The following C19orf38 variants were observed in gnomAD, a reference collection of about 807,000 sequenced individuals.
C19orf38 encodes the protein protein HIDE1.
Under a neutral mutation model 26.6 loss-of-function variants are expected in C19orf38, and 14 were observed. The ratio of observed to expected loss-of-function variants is 0.53; its 90% CI spans 0.35 to 0.82. C19orf38 has a LOEUF of 0.82. Among genes scored for constraint, C19orf38 ranks in the 40% least tolerant of loss-of-function variants. The probability of loss-of-function intolerance (pLI) is 0.01; values close to 1 mark genes in which losing one functional copy is unlikely to be tolerated. For missense variants in C19orf38, 261 were observed against 299.5 expected (o/e 0.87, Z 0.95); for synonymous variants, 132 against 128.5 (o/e 1.03, Z -0.18).
At chr19:10,846,934 T>C (rs996744404), upstream of C19orf38, among the ~76,000 whole-genome samples, 3 of 152,196 alleles carry the variant, frequency 2.0e-5, no homozygotes, top group Non-Finnish European at 2.9e-5. Flanking sequence ...TTTGACCAGG[T>C]TGACAGAATT....
At chr19:10,845,519 A>C (rs1321410724), upstream of C19orf38, among the ~76,000 whole-genome samples, 1 of 152,180 alleles carries the variant, frequency 6.6e-6, no homozygotes, top group Non-Finnish European at 1.5e-5. Context: ...TCAATATATG[A>C]AAATGTGTGG....
At chr19:10,861,875 A>ACC (rs1568338646) in intron 5 of C19orf38, among the ~76,000 whole-genome samples, 1 of 151,510 alleles carries the variant, frequency 6.6e-6, no homozygotes, top group Non-Finnish European at 1.5e-5. Flanking sequence ...GGCGTGAGCC[A>ACC]CCGCCCTTTT....
intron 6 of C19orf38, among the ~76,000 whole-genome samples, chr19:10,864,148 C>T (rs1171258785): frequency 6.6e-6 from 1 of 150,990 alleles, no homozygotes. Flanking sequence ...CAACTTCCGA[C>T]TCCCGGGTTC....
chr19:10,850,035 G>A (rs1346746312), intron 1 of C19orf38, among the ~76,000 whole-genome samples: 1 of 152,102 alleles, frequency 6.6e-6, no homozygotes, highest in East Asian at 1.9e-4. Flanking sequence ...TTCCATCCTG[G>A]GTGGCAGAGT....
chr19:10,844,416 A>AG (rs2146242487), upstream of C19orf38, among the ~76,000 whole-genome samples: 1 of 149,916 alleles, frequency 6.7e-6, no homozygotes, highest in African/African-American at 2.5e-5. Context: ...AAAAAAAAAA[A>AG]AAAAATTTAA....
intron 1 of C19orf38, among the ~76,000 whole-genome samples, chr19:10,838,920 C>CTT (rs975765401): frequency 7.0e-6 from 1 of 143,548 alleles, no homozygotes; most frequent in Non-Finnish European, 1.5e-5. Context: ...CTTTTTTTTT[C>CTT]TTTTTTTTTT....
chr19:10,867,330 C>T (rs114325932), intron 6 of C19orf38, among the ~76,000 whole-genome samples: 2,401 of 151,470 alleles, frequency 0.016, 33 homozygotes, highest in Non-Finnish European at 0.019. Context: ...TCATGGCAGG[C>T]ACGGTAGCAC....
At chr19:10,865,502 C>T (rs1348581520) in intron 6 of C19orf38, among the ~76,000 whole-genome samples, 1 of 151,388 alleles carries the variant, frequency 6.6e-6, no homozygotes, top group Non-Finnish European at 1.5e-5. Flanking sequence ...CGTGGTGGCT[C>T]ATGCCTGTAA....
intron 2 of C19orf38, among the ~76,000 whole-genome samples, chr19:10,853,797 A>G (rs567955079): frequency 1.2e-4 from 18 of 150,018 alleles, no homozygotes; most frequent in African/African-American, 4.2e-4. Flanking sequence ...GGGGTTTCAC[A>G]GTGTTAGCCA....
At chr19:10,868,675 A>C in intron 6 of C19orf38, among the ~76,000 whole-genome samples, 1 of 151,690 alleles carries the variant, frequency 6.6e-6, no homozygotes, top group Admixed American at 6.6e-5. Flanking sequence ...CACCACACCT[A>C]ATTTTTGTAT....
Position 10,850,387 on chromosome 19 carries a change from G to C in C19orf38, c.160G>C (p.Gly54Arg), listed in dbSNP as rs534745530. 8.4e-6 allele frequency: 13 copies of C among 1,550,824 alleles called. No individual in the cohort carries two copies. The highest frequency in any genetic ancestry group is 1.0e-5 in the Non-Finnish European group (12 of 1,146,636). Residue 54 changes from glycine to arginine, a missense_variant, in exon 2 of 7, where the codon GGG (glycine) becomes CGG (arginine). Physicochemically the swap from Gly to Arg is moderately radical, Grantham distance 125 (BLOSUM62 -2). Coordinates refer to ENST00000397820, the MANE Select transcript of C19orf38 (RefSeq NM_001136482.3). Reference protein sequence around the residue: ...FPGANFTLYRGGQVVQLLQAP... With the variant: ...FPGANFTLYRRGQVVQLLQAP... ...GGGGGCGAATTTCACACTGTATCGA[G>C]GGGGGCAGGTGGTCCAGCTCCTGCA... is the stretch of plus-strand genomic sequence containing the variant.
upstream of C19orf38, chr19:10,848,322 T>C: frequency 1.7e-6 from 1 of 590,944 alleles, no homozygotes; most frequent in South Asian, 2.0e-5. Flanking sequence ...GGGGAAGGGG[T>C]GGGGAGGGGA....
At position 10,858,308 on chromosome 19, in the gene C19orf38, T is replaced by A; in HGVS notation, c.434-8T>A. 6.5e-7 allele frequency: 1 copy of A among 1,546,350 alleles called. No homozygotes were observed. Among genetic ancestry groups the A allele is most frequent in the Non-Finnish European group, 8.7e-7 (1 of 1,143,114 alleles). ...ATCTAACACATGCTCATTTCTTTTT[T>A]GTTCCAGTTAAACTCAGAAATTTAC... On this transcript the variant is annotated splice_region_variant and splice_polypyrimidine_tract_variant and intron_variant, in intron 3 of 6. Transcript: ENST00000397820.
At chr19:10,844,106 C>T (rs2073497825), upstream of C19orf38, among the ~76,000 whole-genome samples, 1 of 149,576 alleles carries the variant, frequency 6.7e-6, no homozygotes, top group African/African-American at 2.5e-5. Context: ...AAAGTGAGAC[C>T]ATGTCTAAAA....
chr19:10,836,768 C>G (rs1466385507), exon 1 of C19orf38: 1 of 152,634 alleles, frequency 6.6e-6, no homozygotes, highest in Non-Finnish European at 1.5e-5. Flanking sequence ...TATCAGTTTC[C>G]TCGTAAGTCG....
At chr19:10,858,231 A>AAAAAG in intron 3 of C19orf38, 85 bp from the exon 4 acceptor site, 1 of 1,072,612 alleles carries the variant, frequency 9.3e-7, no homozygotes, top group Non-Finnish European at 1.3e-6. Flanking sequence ...CTGTCTAAAA[A>AAAAAG]AAAAAAAAAA....
At chr19:10,858,387 G>A in intron 4 of C19orf38, 44 bp downstream of exon 4, 2 of 1,512,346 alleles carry the variant, frequency 1.3e-6, no homozygotes, top group Non-Finnish European at 1.8e-6. Context: ...TTTGGGGAAA[G>A]AAGGACACTT....
At chr19:10,865,989 A>G (rs934551205) in intron 6 of C19orf38, among the ~76,000 whole-genome samples, 7 of 149,516 alleles carry the variant, frequency 4.7e-5, no homozygotes, top group Admixed American at 3.3e-4. Flanking sequence ...GTTTATTTTT[A>G]TATATATATT....
At position 10,866,488 on chromosome 19, in the gene C19orf38, G is replaced by A. The variant is rs1178234703; in HGVS notation, c.544-2730G>A. Among the ~76,000 whole-genome samples, 5 of 150,598 alleles carry A rather than the reference G, an allele frequency of 3.3e-5. No homozygotes were observed. The Admixed American group carries it at 3.3e-4, about 10-fold the overall frequency. ...CCCAAAGTGCTGGGATTACAGGCGT[G>A]AGCCACCAGGCCCGGCCTTTTTTTT... is the stretch of plus-strand genomic sequence containing the variant. On this transcript the variant is annotated intron_variant, in intron 6 of 6. Coordinates refer to ENST00000397820, the MANE Select transcript of C19orf38 (RefSeq NM_001136482.3).
Sources: gnomAD v4.1 joint callset for allele counts (sites outside exome capture counted in the v4.1 genomes callset) on GRCh38, gnomAD v4.1.1 for gene constraint, MANE v1.5 for transcripts, NCBI Gene and HGNC (gene_info 2026-07-23, HGNC 2026-07-21) for gene names.